The following ASXL3 variants were observed in gnomAD, a reference collection of about 807,000 sequenced individuals.
ASXL3 encodes putative Polycomb group protein ASXL3.
ASXL3 carries 34 observed loss-of-function variants against 170.6 expected under a neutral mutation model. The ratio of observed to expected loss-of-function variants is 0.20; its 90% CI spans 0.15 to 0.27. The LOEUF (loss-of-function observed/expected upper bound fraction) is 0.27. Among genes scored for constraint, ASXL3 ranks in the 10% least tolerant of loss-of-function variants. The probability of loss-of-function intolerance (pLI) is 1.00; values close to 1 mark genes in which losing one functional copy is unlikely to be tolerated. For synonymous variants in ASXL3, 1,002 were observed against 989.1 expected, an observed-to-expected ratio of 1.01 and a Z score of -0.24; for missense variants, 2,592 against 2,695.3, an observed-to-expected ratio of 0.96 and a Z score of 0.85.
chr18:33,678,093 T>G (rs1398887987), intron 7 of ASXL3, among the ~76,000 whole-genome samples: 1 of 147,582 alleles, frequency 6.8e-6, no homozygotes, highest in Non-Finnish European at 1.5e-5. Flanking sequence ...TATTTATTTA[T>G]TTATTTATTT....
chr18:33,584,700 C>T (rs747637112), intron 1 of ASXL3, among the ~76,000 whole-genome samples: 8 of 151,760 alleles, frequency 5.3e-5, no homozygotes, highest in African/African-American at 1.7e-4. Flanking sequence ...CCTAAAATAC[C>T]CTCTTGAGAT....
intron 8 of ASXL3, among the ~76,000 whole-genome samples, chr18:33,727,893 G>T (rs1568352385): frequency 1.3e-5 from 2 of 152,032 alleles, no homozygotes; most frequent in Admixed American, 6.6e-5. Flanking sequence ...TGGGGATCTG[G>T]CAGTTAAAAT....
At chr18:33,580,391 G>A (rs1182136315) in intron 1 of ASXL3, among the ~76,000 whole-genome samples, 1 of 152,196 alleles carries the variant, frequency 6.6e-6, no homozygotes, top group Non-Finnish European at 1.5e-5. Context: ...CAAGGCTTCT[G>A]AAAATGCATT....
intron 8 of ASXL3, among the ~76,000 whole-genome samples, chr18:33,694,427 T>C (rs2066739116): frequency 6.6e-6 from 1 of 152,212 alleles, no homozygotes; most frequent in African/African-American, 2.4e-5. Context: ...AAGTTTTTAT[T>C]ACACTTTCAA....
chr18:33,583,874 G>T (rs908845639), intron 1 of ASXL3, among the ~76,000 whole-genome samples: 1 of 152,036 alleles, frequency 6.6e-6, no homozygotes, highest in Non-Finnish European at 1.5e-5. Flanking sequence ...GTGAAATATG[G>T]CCCCTAAACA....
Position 33,749,053 on chromosome 18 carries a change from G to A in ASXL3, c.*2458G>A, listed in dbSNP as rs748737340. ...TGCATGGATTCTATCATCCAGGTCC[G>A]ATTAGCATAATTTTTCTGCGCCCTT... is the stretch of plus-strand genomic sequence containing the variant. On this transcript the variant is annotated 3_prime_UTR_variant, in exon 12 of 12. Transcript: ENST00000269197. 6.8e-6 allele frequency: 1 copy of A among 146,946 alleles called. No individual in the cohort carries two copies. The highest frequency in any genetic ancestry group is 1.5e-5 in the Non-Finnish European group (1 of 67,460). The allele number at this position is 146,946 out of a possible 1,614,324, so 9.1% of individuals were successfully genotyped here.
At chr18:33,701,548 T>C (rs2066874484) in intron 8 of ASXL3, among the ~76,000 whole-genome samples, 1 of 152,116 alleles carries the variant, frequency 6.6e-6, no homozygotes, top group Admixed American at 6.6e-5. Flanking sequence ...TTTAGTGTTA[T>C]TGTATATGGG....
chr18:33,699,527 C>G (rs1369626204), intron 8 of ASXL3, among the ~76,000 whole-genome samples: 1 of 152,030 alleles, frequency 6.6e-6, no homozygotes, highest in African/African-American at 2.4e-5. Context: ...TGAGAGTTTA[C>G]CATGCATTTC....
intron 8 of ASXL3, among the ~76,000 whole-genome samples, chr18:33,721,324 G>A (rs1315743716): frequency 2.2e-4 from 33 of 151,892 alleles, no homozygotes; most frequent in South Asian, 2.1e-4. Flanking sequence ...CATTATTTTG[G>A]CCAAGTGGTT....
chr18:33,593,247 C>T (rs1368180899), intron 1 of ASXL3, among the ~76,000 whole-genome samples: 3 of 150,056 alleles, frequency 2.0e-5, no homozygotes, highest in African/African-American at 4.9e-5. Context: ...TCTTTCTCCC[C>T]CTATGCCCAC....
At chr18:33,633,168 T>C (rs1245795303) in intron 2 of ASXL3, among the ~76,000 whole-genome samples, 1 of 152,158 alleles carries the variant, frequency 6.6e-6, no homozygotes, top group African/African-American at 2.4e-5. Flanking sequence ...TTACTTTCAT[T>C]AGAAGGTAAT....
At chr18:33,665,463 C>T (rs2066242544) in intron 5 of ASXL3, among the ~76,000 whole-genome samples, 1 of 152,198 alleles carries the variant, frequency 6.6e-6, no homozygotes, top group Non-Finnish European at 1.5e-5. Flanking sequence ...AAACAGCCCG[C>T]TGTTTTCTAT....
At chr18:33,698,971 A>G (rs1445683423) in intron 8 of ASXL3, among the ~76,000 whole-genome samples, 1 of 152,176 alleles carries the variant, frequency 6.6e-6, no homozygotes, top group Non-Finnish European at 1.5e-5. Flanking sequence ...AAGTTGCTTC[A>G]CTAAAATAAT....
chr18:33,732,081 T>TATTA lies in ASXL3; in HGVS notation c.976+18_976+21dup, dbSNP rs758867575. 6.3e-7 allele frequency: 1 copy of TATTA among 1,596,770 alleles called. No individual in the cohort carries two copies. Among genetic ancestry groups the TATTA allele is most frequent in the African/African-American group, 1.3e-5 (1 of 74,340 alleles). ...TGGCAGAAGGTAAATTTGTATTTTC[T>TATTA]ATTATTATGTGACATATTGGAGTAC... On this transcript the variant is annotated intron_variant, in intron 9 of 11. Transcript: ENST00000269197.
At chr18:33,597,799 A>AC (rs2065142856) in intron 1 of ASXL3, among the ~76,000 whole-genome samples, 1 of 148,950 alleles carries the variant, frequency 6.7e-6, no homozygotes, top group Admixed American at 6.7e-5. Flanking sequence ...TCTACAAAAA[A>AC]AAAAAAACAA....
chr18:33,597,180 T>A (rs901815545), intron 1 of ASXL3, among the ~76,000 whole-genome samples: 6 of 152,134 alleles, frequency 3.9e-5, no homozygotes, highest in African/African-American at 1.4e-4. Flanking sequence ...ATAAGTCATA[T>A]AAATTACATA....
rs62092392 is a variant in ASXL3, at chr18:33,683,639, A to G, written c.879+71A>G. On this transcript the variant is annotated intron_variant, in intron 8 of 11. Transcript: ENST00000269197. ...ATGATGAAGTGGAAGGTCTATTATCAAAGATGACTTATATATGGATATAGT... is the reference window on the plus strand; with the variant it reads ...ATGATGAAGTGGAAGGTCTATTATCGAAGATGACTTATATATGGATATAGT... 104,449 of 1,413,200 alleles carry G rather than the reference A, an allele frequency of 0.074. 4,142 individuals carry two copies. The highest frequency in any genetic ancestry group is 0.12 in the African/African-American group (8,349 of 69,924). 87.5% of individuals were successfully genotyped at this position (1,413,200 alleles called of 1,614,324 possible).
chr18:33,653,306 T>C (rs947339012), intron 4 of ASXL3, among the ~76,000 whole-genome samples: 6 of 152,040 alleles, frequency 3.9e-5, no homozygotes, highest in Non-Finnish European at 7.4e-5. Flanking sequence ...CTAAGAATCT[T>C]GCAGGGGGCA....
In ASXL3 at chr18:33,676,222, C is replaced by CAAAAAAAAAAA. The variant is rs568221465; in HGVS notation, c.715+4371_715+4381dup. The stretch of plus-strand genomic sequence containing the variant: ...CTGGGTGACGAGCGAGACTCCGTCT[C>CAAAAAAAAAAA]AAAAAAAAAAAAAAAAAAAAAAAAA... On this transcript the variant is annotated intron_variant, in intron 7 of 11. Transcript: ENST00000269197. 2.3e-3 allele frequency among the ~76,000 whole-genome samples: 97 copies of CAAAAAAAAAAA among 41,722 alleles called. 6 individuals carry two copies. Among genetic ancestry groups the CAAAAAAAAAAA allele is most frequent in the African/African-American group, 8.0e-3 (82 of 10,252 alleles). The allele number at this position is 41,722 out of a possible 152,430, so 27.4% of individuals were successfully genotyped here.
Sources: allele counts gnomAD v4.1 joint callset (sites outside exome capture counted in the v4.1 genomes callset), GRCh38; gene constraint gnomAD v4.1.1; transcripts MANE v1.5; gene names NCBI Gene and HGNC (gene_info 2026-07-23, HGNC 2026-07-21).